RBM20: variants seen among roughly 807,000 people sequenced by gnomAD.
RBM20 encodes the protein RNA binding motif protein 20.
A neutral mutation model predicts 110.1 loss-of-function variants in RBM20; 51 were observed. The observed-to-expected ratio is 0.46, with a 90% confidence interval of 0.37 to 0.59. The LOEUF is 0.59. RBM20 is among the 20% of genes least tolerant of loss of function. The pLI is 0.00. For synonymous variants in RBM20, 589 were observed against 618.2 expected (o/e 0.95, Z 0.70); for missense variants, 1,512 against 1,574.9 (o/e 0.96, Z 0.68).
Position 110,810,514 on chromosome 10 carries a change from A to T in RBM20, c.1880+52A>T, listed in dbSNP as rs1393305499. On this transcript the variant is annotated intron_variant, in intron 8 of 13. Transcript: ENST00000369519. ...GGCAGGTTCTGGGCAGTGGGAACAG[A>T]CTCCTGTTTCTCATTCTTAGGGGCA... is the stretch of plus-strand genomic sequence containing the variant. 25 of 1,298,356 alleles carry T rather than the reference A, an allele frequency of 1.9e-5. No individual in the cohort carries two copies. The East Asian group carries it at 6.3e-4, about 33-fold the overall frequency. The allele number at this position is 1,298,356 out of a possible 1,614,324, so 80.4% of individuals were successfully genotyped here. A position where few individuals can be genotyped will look rare whatever the true frequency, so the allele number is the denominator to read the frequency against.
intron 13 of RBM20, among the ~76,000 whole-genome samples, chr10:110,832,223 G>T (rs1362093799): frequency 6.6e-6 from 1 of 152,218 alleles, no homozygotes; most frequent in Non-Finnish European, 1.5e-5. Context: ...CCAGGGGTAA[G>T]TATCTGAAGA....
chr10:110,684,756 T>A lies in RBM20; in HGVS notation c.191+40111T>A, dbSNP rs556528540. ...ATGAAAAGTGAGGATTTTAATACTT[T>A]AAAAAAATTTACAAGAGAAAATCGT... On this transcript the variant is annotated intron_variant, in intron 1 of 13. Transcript: ENST00000369519. Among the ~76,000 whole-genome samples the A allele has an allele frequency of 2.0e-3, 300 of 152,242 alleles. 1 individual carries two copies. The highest frequency in any genetic ancestry group is 7.0e-3 in the African/African-American group (289 of 41,540).
Position 110,812,658 on chromosome 10 carries a change from G to A in RBM20, c.2261G>A (p.Ser754Asn). Reference sequence around the variant, plus strand: ...CCCCACTCTGTGTCCAGCTACAAAAGCCGTGAAGACGGCTACTACCGGAAA... The same window carrying A: ...CCCCACTCTGTGTCCAGCTACAAAAACCGTGAAGACGGCTACTACCGGAAA... ...NLPHSVSSYK[S>N]REDGYYRKEP... The change falls in exon 9 of 14, where the codon AGC (serine) becomes AAC (asparagine). Residue 754 changes from serine to asparagine, a missense_variant. By Grantham distance (46) the Ser-to-Asn change is conservative (BLOSUM62 1). Around this residue, in one of 3 missense-constraint regions of RBM20, gnomAD observed 1,149 missense variants for 1,169.4 expected, o/e 0.98. Transcript: ENST00000369519. 6.4e-7 allele frequency: 1 copy of A among 1,551,738 alleles called. No homozygotes were observed. The highest frequency in any genetic ancestry group is 8.7e-7 in the Non-Finnish European group (1 of 1,147,008).
intron 1 of RBM20, among the ~76,000 whole-genome samples, chr10:110,653,976 C>T (rs1228059793): frequency 6.6e-6 from 1 of 152,192 alleles, no homozygotes; most frequent in African/African-American, 2.4e-5. Context: ...TTCTTCATGA[C>T]CAGATCCAGG....
At chr10:110,835,339 C>CTTTTTTTTTT (rs35808301) in intron 13 of RBM20, 4 of 104,190 alleles carry the variant, frequency 3.8e-5, no homozygotes, top group East Asian at 2.5e-4. Context: ...TTTTTTTTTT[C>CTTTTTTTTTT]TTTTTTTTTT....
chr10:110,690,772 A>G (rs1292674896), intron 1 of RBM20, among the ~76,000 whole-genome samples: 4 of 152,360 alleles, frequency 2.6e-5, no homozygotes, highest in African/African-American at 7.2e-5. Flanking sequence ...CAATATACGT[A>G]TATATCACAT....
intron 1 of RBM20, among the ~76,000 whole-genome samples, chr10:110,655,340 T>A: frequency 7.2e-6 from 1 of 139,838 alleles, no homozygotes; most frequent in Non-Finnish European, 1.5e-5. Flanking sequence ...TATATCCCAA[T>A]TTAAATTCCA....
At chr10:110,818,713 G>T (rs1844873477) in intron 9 of RBM20, among the ~76,000 whole-genome samples, 1 of 152,260 alleles carries the variant, frequency 6.6e-6, no homozygotes, top group South Asian at 2.1e-4. Flanking sequence ...ACTGAAGGGG[G>T]TCCCTTTACT....
intron 1 of RBM20, among the ~76,000 whole-genome samples, chr10:110,752,391 G>T (rs755889121): frequency 6.6e-6 from 1 of 152,094 alleles, no homozygotes; most frequent in Non-Finnish European, 1.5e-5. Flanking sequence ...TCCTTTTAGT[G>T]CTGAATAATA....
At chr10:110,644,253 T>G, upstream of RBM20, 1 of 317,278 alleles carries the variant, frequency 3.2e-6, no homozygotes, top group East Asian at 5.1e-5. The surrounding 1 kb of genome is among the most constrained non-coding windows in gnomAD (Gnocchi z 4.3). Context: ...CGCCCCCGCG[T>G]GGCCGGCCGG....
rs113880236 is a variant in RBM20 at position 110,660,904 on chromosome 10, C to T, written c.191+16259C>T. Among the ~76,000 whole-genome samples, 979 of 152,116 alleles carry T rather than the reference C, an allele frequency of 6.4e-3. 8 individuals carry two copies. The highest frequency in any genetic ancestry group is 0.027 in the Middle Eastern group (8 of 294). ...CTTCCAAAAAACTGGTCCCTGGTGC[C>T]GAAAAGGTTGGGGACCGCTGTTCTG... On this transcript the variant is annotated intron_variant, in intron 1 of 13. Coordinates refer to ENST00000369519, the MANE Select transcript of RBM20 (RefSeq NM_001134363.3).
chr10:110,709,477 C>T (rs1257103839), intron 1 of RBM20, among the ~76,000 whole-genome samples: 2 of 151,994 alleles, frequency 1.3e-5, no homozygotes, highest in Admixed American at 6.6e-5. Flanking sequence ...GGGACCATCT[C>T]TTACTTTTCT....
chr10:110,767,299 T>C (rs1271143150), intron 1 of RBM20, among the ~76,000 whole-genome samples: 73 of 90,288 alleles, frequency 8.1e-4, no homozygotes, highest in East Asian at 3.2e-3. Context: ...CGGGCAGAGG[T>C]GCCCCTCACC....
At chr10:110,693,223 T>G (rs903408623) in intron 1 of RBM20, among the ~76,000 whole-genome samples, 1 of 152,200 alleles carries the variant, frequency 6.6e-6, no homozygotes, top group Non-Finnish European at 1.5e-5. Context: ...ATCATTTTTC[T>G]TTTCTTGTAC....
At position 110,831,065 on chromosome 10, in the gene RBM20, G is replaced by A. The variant is rs1845044992; in HGVS notation, c.3456G>A (p.Val1152=). The A allele has an allele frequency of 1.1e-5, 17 of 1,550,428 alleles. No individual in the cohort carries two copies. The highest frequency in any genetic ancestry group is 1.5e-5 in the Non-Finnish European group (17 of 1,146,082). The change falls in exon 13 of 14, where the codon GTG becomes GTA. Residue 1152 remains valine, a synonymous_variant. Transcript: ENST00000369519. ...CTATCCCCCATCCTTTCCCAGGGGTGGAGTTCGTGGTTCCCAGGACTGGCT... is the reference window on the plus strand; with the variant it reads ...CTATCCCCCATCCTTTCCCAGGGGTAGAGTTCGTGGTTCCCAGGACTGGCT... ...VFSELSIPLG[V]EFVVPRTGFY...
intron 5 of RBM20, among the ~76,000 whole-genome samples, chr10:110,792,464 ATCT>A (rs1383628732): frequency 1.3e-5 from 2 of 152,302 alleles, no homozygotes; most frequent in East Asian, 3.9e-4. Flanking sequence ...GTGGCATTTC[ATCT>A]TCTCAGCAGT....
intron 1 of RBM20, among the ~76,000 whole-genome samples, chr10:110,689,068 C>T (rs1402466307): frequency 2.6e-5 from 4 of 152,118 alleles, no homozygotes; most frequent in East Asian, 1.9e-4. Context: ...ATTCTACATT[C>T]ACCTGCTGTT....
chr10:110,678,459 A>G (rs1220123885), intron 1 of RBM20, among the ~76,000 whole-genome samples: 1 of 152,220 alleles, frequency 6.6e-6, no homozygotes, highest in Non-Finnish European at 1.5e-5. Context: ...CATCAGAGAA[A>G]GGATCTCCTG....
Position 110,778,690 on chromosome 10 carries a change from T to A in RBM20, c.192-2111T>A, listed in dbSNP as rs909919958. ...GTCCCAGAATTCCAGTTCATCAACA[T>A]CCTGAACATATTTCCTGATGACACC... On this transcript the variant is annotated intron_variant, in intron 1 of 13. Transcript: ENST00000369519. Among the ~76,000 whole-genome samples the A allele has an allele frequency of 2.6e-5, 4 of 152,224 alleles. No individual in the cohort carries two copies. The South Asian group carries it at 8.3e-4, about 31-fold the overall frequency.
Sources: allele counts gnomAD v4.1 joint callset (sites outside exome capture counted in the v4.1 genomes callset), GRCh38; gene constraint gnomAD v4.1.1; regional missense constraint gnomAD v4.1.1; non-coding constraint Gnocchi (gnomAD v3.1); transcripts MANE v1.5; gene names NCBI Gene and HGNC (gene_info 2026-07-23, HGNC 2026-07-21).